CSMD1: variants seen among roughly 807,000 people sequenced by gnomAD.
The protein encoded by CSMD1 is CUB and sushi domain-containing protein 1.
A neutral mutation model predicts 417.5 loss-of-function variants in CSMD1; 213 were observed. The observed-to-expected ratio is 0.51, with a 90% CI of 0.46 to 0.57. The LOEUF is 0.57. CSMD1 is among the 20% of genes least tolerant of loss of function. The pLI, the probability that CSMD1 is intolerant of heterozygous loss-of-function variation, is 0.00. For missense variants in CSMD1, 6,923 were observed against 4,529.7 expected, an observed-to-expected ratio of 1.53 and a Z score of -15.17; for synonymous variants, 2,862 against 1,736.8, an observed-to-expected ratio of 1.65 and a Z score of -16.11.
chr8:4,334,069 A>G (rs1800023557), intron 3 of CSMD1, among the ~76,000 whole-genome samples: 1 of 151,928 alleles, frequency 6.6e-6, no homozygotes, highest in African/African-American at 2.4e-5. Flanking sequence ...AATTATGATG[A>G]TGATGATGAT....
intron 23 of CSMD1, among the ~76,000 whole-genome samples, chr8:3,314,171 A>C (rs942247037): frequency 5.3e-5 from 8 of 152,194 alleles, no homozygotes; most frequent in African/African-American, 1.7e-4. Flanking sequence ...CCTAATGTTA[A>C]ATGACTAGTT....
intron 7 of CSMD1, among the ~76,000 whole-genome samples, chr8:3,631,841 T>G (rs1796798602): frequency 6.6e-6 from 1 of 152,222 alleles, no homozygotes; most frequent in Non-Finnish European, 1.5e-5. Flanking sequence ...CATTCTTAAT[T>G]TATCTTTAAA....
At chr8:3,438,908 G>A (rs1814752581) in intron 12 of CSMD1, among the ~76,000 whole-genome samples, 2 of 151,560 alleles carry the variant, frequency 1.3e-5, no homozygotes. Flanking sequence ...CTGAGGTTAG[G>A]AGTTCAAGAT....
chr8:3,471,799 TG>T (rs1434448706), intron 11 of CSMD1, among the ~76,000 whole-genome samples: 5 of 152,164 alleles, frequency 3.3e-5, no homozygotes, highest in African/African-American at 1.2e-4. Flanking sequence ...TTCATGGTTT[TG>T]GGTAGAAGAA....
intron 2 of CSMD1, among the ~76,000 whole-genome samples, chr8:4,603,611 T>G (rs1800708570): frequency 6.6e-6 from 1 of 152,110 alleles, no homozygotes; most frequent in South Asian, 2.1e-4. Context: ...TGCGAAAACA[T>G]GAAAATAAAA....
rs937002575 is a variant in CSMD1, at chr8:3,712,204, G to A, written c.932-3713C>T. Among the ~76,000 whole-genome samples the A allele has an allele frequency of 2.5e-4, 38 of 152,232 alleles. 1 individual carries two copies. Among genetic ancestry groups the A allele is most frequent in the Admixed American group, 2.4e-3 (37 of 15,286 alleles). On this transcript the variant is annotated intron_variant, in intron 6 of 69. Transcript: ENST00000635120. ...CAGCTCTGCTAATCTTGGCAACGTT[G>A]TACAAAAAGGGAAGGTGACTTGTGG...
intron 5 of CSMD1, among the ~76,000 whole-genome samples, chr8:3,859,973 G>A (rs1415208833): frequency 1.3e-5 from 2 of 152,170 alleles, no homozygotes; most frequent in Admixed American, 6.6e-5. Context: ...GAATTTTCAA[G>A]CCTGAGGGTG....
At chr8:3,817,867 G>A (rs952289967) in intron 5 of CSMD1, among the ~76,000 whole-genome samples, 1 of 152,192 alleles carries the variant, frequency 6.6e-6, no homozygotes, top group African/African-American at 2.4e-5. Context: ...ACCCTTCACG[G>A]CTTCACACTA....
intron 19 of CSMD1, among the ~76,000 whole-genome samples, chr8:3,368,159 GTCT>G (rs1278610611): frequency 6.6e-6 from 1 of 152,086 alleles, no homozygotes; most frequent in East Asian, 1.9e-4. Context: ...CATAATCTGT[GTCT>G]TCTTTATGCT....
intron 2 of CSMD1, among the ~76,000 whole-genome samples, chr8:4,472,353 T>G (rs1018238401): frequency 1.3e-5 from 2 of 152,166 alleles, no homozygotes; most frequent in Admixed American, 6.5e-5. Flanking sequence ...GTACCTGGTT[T>G]ATTTCATCCA....
intron 40 of CSMD1, among the ~76,000 whole-genome samples, chr8:3,147,140 T>C (rs2129033837): frequency 6.6e-6 from 1 of 152,318 alleles, no homozygotes; most frequent in South Asian, 2.1e-4. Context: ...GAAACAGATA[T>C]GTATGTTCAG....
intron 7 of CSMD1, among the ~76,000 whole-genome samples, chr8:3,670,386 G>A (rs939852056): frequency 6.6e-6 from 1 of 151,432 alleles, no homozygotes; most frequent in Non-Finnish European, 1.5e-5. Flanking sequence ...TTTGCAGATG[G>A]CCTATTGTCG....
chr8:3,340,923 A>G (rs1196919890), intron 23 of CSMD1, among the ~76,000 whole-genome samples: 1 of 152,210 alleles, frequency 6.6e-6, no homozygotes, highest in African/African-American at 2.4e-5. Flanking sequence ...ATTGATTATA[A>G]TAAGAGCTAA....
intron 3 of CSMD1, among the ~76,000 whole-genome samples, chr8:4,137,045 G>A (rs1048685789): frequency 6.6e-6 from 1 of 152,186 alleles, no homozygotes. Flanking sequence ...CAGTTGGTTG[G>A]CTTTTCGGGC....
chr8:4,095,884 G>A (rs373894938), intron 3 of CSMD1, among the ~76,000 whole-genome samples: 2 of 152,146 alleles, frequency 1.3e-5, no homozygotes, highest in South Asian at 4.1e-4. Context: ...TCAATGTTAA[G>A]AGTAGAAACT....
At chr8:3,056,202 C>G (rs1261170798) in intron 49 of CSMD1, among the ~76,000 whole-genome samples, 1 of 152,152 alleles carries the variant, frequency 6.6e-6, no homozygotes, top group Non-Finnish European at 1.5e-5. Flanking sequence ...TTACATATCT[C>G]ATGAGAGGTG....
chr8:4,074,343 G>C (rs368097833), intron 3 of CSMD1, among the ~76,000 whole-genome samples: 2 of 152,074 alleles, frequency 1.3e-5, no homozygotes, highest in African/African-American at 4.8e-5. Flanking sequence ...GCATCTGAAT[G>C]TAAAATGTAG....
intron 2 of CSMD1, among the ~76,000 whole-genome samples, chr8:4,556,588 A>C (rs192046034): frequency 3.3e-5 from 5 of 152,310 alleles, no homozygotes; most frequent in Admixed American, 3.3e-4. Context: ...GCAAAGAATA[A>C]ACGAATAGTA....
chr8:3,905,957 T>C (rs1225552865), intron 5 of CSMD1, among the ~76,000 whole-genome samples: 1 of 152,234 alleles, frequency 6.6e-6, no homozygotes, highest in African/African-American at 2.4e-5. Flanking sequence ...AACCATACCT[T>C]TTGATTTTAT....
Sources: gnomAD v4.1 joint callset for allele counts (sites outside exome capture counted in the v4.1 genomes callset) on GRCh38, gnomAD v4.1.1 for gene constraint, MANE v1.5 for transcripts, NCBI Gene and HGNC (gene_info 2026-07-23, HGNC 2026-07-21) for gene names.